CTIF: variants seen among roughly 807,000 people sequenced by gnomAD.
The protein encoded by CTIF is CBP80/20-dependent translation initiation factor.
A neutral mutation model predicts 66.0 loss-of-function variants in CTIF; 21 were observed. The ratio of observed to expected loss-of-function variants is 0.32; its 90% CI spans 0.23 to 0.46. The LOEUF (loss-of-function observed/expected upper bound fraction) is 0.46, where lower values mean the gene tolerates loss of function less well. CTIF is among the 20% of genes least tolerant of loss of function. CTIF has a pLI of 1.00. For synonymous variants in CTIF, 345 were observed against 326.4 expected, an observed-to-expected ratio of 1.06 and a Z score of -0.62; for missense variants, 739 against 812.7, an observed-to-expected ratio of 0.91 and a Z score of 1.10.
At chr18:48,806,537 A>G (rs4500815) in intron 9 of CTIF, among the ~76,000 whole-genome samples, 126,671 of 152,202 alleles carry the variant, frequency 0.83, 53,359 homozygotes, top group East Asian at 1. Flanking sequence ...CCCGAAATGA[A>G]GGTGAGTTTG....
chr18:48,634,870 G>A (rs2090784298), intron 2 of CTIF, among the ~76,000 whole-genome samples: 2 of 152,014 alleles, frequency 1.3e-5, no homozygotes, highest in Admixed American at 6.6e-5. Flanking sequence ...TGCTCTAAGT[G>A]GATTTCTAAC....
At chr18:48,597,557 TC>T (rs1364232856) in intron 1 of CTIF, among the ~76,000 whole-genome samples, 3 of 119,162 alleles carry the variant, frequency 2.5e-5, no homozygotes, top group Non-Finnish European at 3.5e-5. Context: ...TGTGGTACCC[TC>T]CCCCCGCCCC....
chr18:48,817,456 G>A, intron 10 of CTIF, 80 bp downstream of exon 10: 1 of 1,503,802 alleles, frequency 6.6e-7, no homozygotes, highest in Middle Eastern at 1.8e-4. Context: ...CTGGGACAAA[G>A]CTGTGAGGGT....
chr18:48,851,515 C>T (rs1167719240), intron 10 of CTIF, among the ~76,000 whole-genome samples: 2 of 152,166 alleles, frequency 1.3e-5, no homozygotes, highest in African/African-American at 4.8e-5. Flanking sequence ...GCCTCTAGTG[C>T]CTGGCAGGCC....
chr18:48,810,381 A>G (rs1237896873), intron 9 of CTIF, among the ~76,000 whole-genome samples: 2 of 152,100 alleles, frequency 1.3e-5, no homozygotes, highest in African/African-American at 2.4e-5. Context: ...ACAAGTTTTT[A>G]TAGTTATTTC....
At chr18:48,750,724 C>T (rs1568187103) in intron 7 of CTIF, among the ~76,000 whole-genome samples, 1 of 152,362 alleles carries the variant, frequency 6.6e-6, no homozygotes, top group South Asian at 2.1e-4. Context: ...CAGCCCCGGC[C>T]TCCCCATTCC....
intron 1 of CTIF, chr18:48,568,232 G>A (rs1018066772): frequency 2.0e-5 from 3 of 152,104 alleles, no homozygotes; most frequent in Admixed American, 2.0e-4. Context: ...AAAAGTAGGG[G>A]AGAAATCTCA....
intron 2 of CTIF, among the ~76,000 whole-genome samples, chr18:48,628,016 G>T (rs1162810974): frequency 6.6e-6 from 1 of 152,182 alleles, no homozygotes; most frequent in Non-Finnish European, 1.5e-5. Context: ...CAGGGGAGAG[G>T]CAATGGAGAC....
rs1410610878 is a variant in CTIF, at chr18:48,563,531, G to A, written c.-29+24219G>A. 2.0e-5 allele frequency among the ~76,000 whole-genome samples: 3 copies of A among 152,260 alleles called. No homozygotes were observed. In the East Asian group the frequency reaches 5.8e-4, roughly 29 times the overall value. On this transcript the variant is annotated intron_variant, in intron 1 of 11. Transcript: ENST00000256413. ...CTGTCACCCAGGCTGGAGTGCAGTG[G>A]CGCGATCTTGACTCACTGCAACCTC...
chr18:48,842,605 G>A (rs1177392454), intron 10 of CTIF, among the ~76,000 whole-genome samples: 1 of 152,246 alleles, frequency 6.6e-6, no homozygotes, highest in Admixed American at 6.5e-5. Context: ...AGAGGCCAGG[G>A]CTGGCCTAGG....
chr18:48,687,799 G>T (rs983687488), intron 6 of CTIF, among the ~76,000 whole-genome samples: 1 of 152,212 alleles, frequency 6.6e-6, no homozygotes, highest in African/African-American at 2.4e-5. Context: ...AAGGCACCAG[G>T]TAGTTGCTGG....
rs556416634 is a variant in CTIF at position 48,843,033 on chromosome 18, G to C, written c.1528-14555G>C. Among the ~76,000 whole-genome samples the C allele has an allele frequency of 3.7e-3, 560 of 152,288 alleles. 2 individuals are homozygous for C. The highest frequency in any genetic ancestry group is 0.012 in the African/African-American group (496 of 41,558). ...GGGGTCCCAGCCTGGTGGATGTCGG[G>C]GCTGTGGAGGGACCTGTGATTTCAG... On this transcript the variant is annotated intron_variant, in intron 10 of 11. Coordinates refer to ENST00000256413, the MANE Select transcript of CTIF (RefSeq NM_014772.3).
intron 9 of CTIF, among the ~76,000 whole-genome samples, chr18:48,802,526 GT>G (rs2068068817): frequency 6.6e-6 from 1 of 152,198 alleles, no homozygotes; most frequent in Non-Finnish European, 1.5e-5. Context: ...AGAGACCTGG[GT>G]TCCAGCTCTG....
chr18:48,852,583 CT>C (rs2069231898), intron 10 of CTIF, among the ~76,000 whole-genome samples: 1 of 152,226 alleles, frequency 6.6e-6, no homozygotes, highest in Non-Finnish European at 1.5e-5. Flanking sequence ...TGGTGGAAGC[CT>C]CCCTTGGCTC....
chr18:48,761,437 C>A lies in CTIF; in HGVS notation c.1119C>A (p.Asp373Glu), dbSNP rs1164160411. 1 of 1,614,122 alleles carries A rather than the reference C, an allele frequency of 6.2e-7. No individual in the cohort carries two copies. Among genetic ancestry groups the A allele is most frequent in the African/African-American group, 1.3e-5 (1 of 75,048 alleles). Residue 373 changes from aspartate (D) to glutamate (E), a missense_variant, in exon 9 of 12, where the codon GAC becomes GAA. By Grantham distance (45) the Asp-to-Glu change is conservative. Transcript: ENST00000256413. The surrounding 1 kb of genome is among the most constrained non-coding windows in gnomAD (Gnocchi z 4.2). ...CCACTCCCCAGCAGAACAAGATGGA[C>A]AAGCTGATCGAGATCCTGAACAGCA... ...ETTTPQQNKM[D>E]KLIEILNSMR... is the part of the protein sequence containing the mutation.
chr18:48,684,824 A>G lies in CTIF; in HGVS notation c.507+14080A>G, dbSNP rs138972075. ...ATTCCTTGAAGAGTAAGTTGCAGAC[A>G]CAGTGCCACTTTACACCTAGATACT... is the stretch of plus-strand genomic sequence containing the variant. On this transcript the variant is annotated intron_variant, in intron 6 of 11. Transcript: ENST00000256413. 2.0e-5 allele frequency among the ~76,000 whole-genome samples: 3 copies of G among 152,352 alleles called. No homozygotes were observed. In the East Asian group the frequency reaches 5.8e-4, roughly 29 times the overall value.
At chr18:48,797,853 G>GAGTGACAAGGCCA (rs1421927531) in intron 9 of CTIF, among the ~76,000 whole-genome samples, 1 of 152,162 alleles carries the variant, frequency 6.6e-6, no homozygotes, top group African/African-American at 2.4e-5. Context: ...CAGCAAGGCC[G>GAGTGACAAGGCCA]AGTGACTTGC....
chr18:48,837,774 A>G (rs1382899399), intron 10 of CTIF, among the ~76,000 whole-genome samples: 3 of 152,070 alleles, frequency 2.0e-5, no homozygotes, highest in African/African-American at 7.2e-5. Context: ...TCCAGTACAA[A>G]CACAGGGCTG....
At chr18:48,658,593 ATGTG>A (rs561791927) in intron 3 of CTIF, among the ~76,000 whole-genome samples, 15 of 152,032 alleles carry the variant, frequency 9.9e-5, no homozygotes, top group Non-Finnish European at 1.5e-4. Context: ...CATACCATGC[ATGTG>A]TGTGTATGTA....
Sources: gnomAD v4.1 joint callset for allele counts (sites outside exome capture counted in the v4.1 genomes callset) on GRCh38, gnomAD v4.1.1 for gene constraint, Gnocchi (gnomAD v3.1) non-coding constraint, MANE v1.5 for transcripts, NCBI Gene and HGNC (gene_info 2026-07-23, HGNC 2026-07-21) for gene names.